Variants in SRGAP3 observed in about 807,000 individuals in gnomAD.
The protein encoded by SRGAP3 is SLIT-ROBO Rho GTPase activating protein 3.
A neutral mutation model predicts 121.1 loss-of-function variants in SRGAP3; 39 were observed. That is an observed-to-expected ratio of 0.32 (90% confidence interval 0.25 to 0.42). The LOEUF (loss-of-function observed/expected upper bound fraction) is 0.42. Among genes scored for constraint, SRGAP3 ranks in the 10% least tolerant of loss-of-function variants. SRGAP3 has a pLI of 1.00. For missense variants in SRGAP3, 1,213 were observed against 1,470.6 expected (o/e 0.82, Z 2.86); for synonymous variants, 601 against 570.0 (o/e 1.05, Z -0.77).
chr3:9,074,390 G>A (rs1946860975), intron 4 of SRGAP3, among the ~76,000 whole-genome samples: 1 of 152,190 alleles, frequency 6.6e-6, no homozygotes, highest in Non-Finnish European at 1.5e-5. Context: ...GAGGGACTGG[G>A]CTCAGGGAGT....
intron 3 of SRGAP3, among the ~76,000 whole-genome samples, chr3:9,311,284 C>G (rs1185360276): frequency 6.6e-6 from 1 of 152,012 alleles, no homozygotes; most frequent in East Asian, 1.9e-4. Flanking sequence ...CGCGAAGAGG[C>G]AAGAATATGC....
rs186036411 is a variant in SRGAP3, at chr3:9,136,029, G to A, written c.68-11112C>T. Among the ~76,000 whole-genome samples the A allele has an allele frequency of 1.2e-4, 19 of 152,356 alleles. No homozygotes were observed. In the East Asian group the frequency reaches 2.9e-3, roughly 23 times the overall value. On this transcript the variant is annotated intron_variant, in intron 1 of 21. Coordinates refer to ENST00000383836, the MANE Select transcript of SRGAP3 (RefSeq NM_014850.4). ...GGACCGTGAGCACCAGGCACGCTGG[G>A]CACCGAGCTAAGTGTTTCCCAGGCG...
At chr3:9,173,575 G>C (rs961759630) in intron 1 of SRGAP3, among the ~76,000 whole-genome samples, 9 of 152,178 alleles carry the variant, frequency 5.9e-5, no homozygotes, top group Non-Finnish European at 1.2e-4. Context: ...CTGATAGGAT[G>C]CTTGCTGGAG....
At position 9,264,003 on chromosome 3, in the gene SRGAP3, G is replaced by A. The variant is rs1213280103; in HGVS notation, n.442+62007C>T. Among the ~76,000 whole-genome samples the A allele has an allele frequency of 5.3e-5, 8 of 152,068 alleles. No individual in the cohort carries two copies. In the East Asian group the frequency reaches 1.4e-3, roughly 26 times the overall value. ...ATTGGCAAACCGAATCCAGCAGCAC[G>A]TTCTAAAGCTTATCCACCACAATCA... On this transcript the variant is annotated intron_variant and non_coding_transcript_variant, in intron 3 of 3. Coordinates refer to the SRGAP3 transcript ENST00000490889.
At chr3:9,183,350 T>C (rs560240750) in intron 1 of SRGAP3, among the ~76,000 whole-genome samples, 1 of 152,328 alleles carries the variant, frequency 6.6e-6, no homozygotes, top group East Asian at 1.9e-4. Flanking sequence ...TATAAATGTA[T>C]ACAATATCTA....
intron 18 of SRGAP3, among the ~76,000 whole-genome samples, chr3:8,998,267 T>C (rs1942534901): frequency 6.6e-6 from 1 of 152,244 alleles, no homozygotes; most frequent in Admixed American, 6.5e-5. Context: ...TGCTTCTCCC[T>C]GGGATGCCTT....
intron 14 of SRGAP3, among the ~76,000 whole-genome samples, chr3:9,020,700 C>T (rs1165488681): frequency 6.6e-6 from 1 of 152,186 alleles, no homozygotes; most frequent in African/African-American, 2.4e-5. Context: ...TCAATTAGCC[C>T]AGGCCTTTGG....
intron 3 of SRGAP3, among the ~76,000 whole-genome samples, chr3:9,097,521 C>A (rs1426276579): frequency 6.6e-6 from 1 of 152,162 alleles, no homozygotes; most frequent in Admixed American, 6.5e-5. Flanking sequence ...ACTAGACTAC[C>A]CACCTCTTCG....
chr3:9,207,827 G>A (rs1489149661), intron 1 of SRGAP3, among the ~76,000 whole-genome samples: 1 of 152,156 alleles, frequency 6.6e-6, no homozygotes, highest in African/African-American at 2.4e-5. Flanking sequence ...GTAACTTCCC[G>A]GACCTGGGGA....
chr3:9,325,462 T>C (rs2600170), intron 3 of SRGAP3, among the ~76,000 whole-genome samples: 123,461 of 151,732 alleles, frequency 0.81, 51,114 homozygotes, highest in African/African-American at 0.95. Context: ...TTCTGTTTAG[T>C]CAATTCTATT....
intron 3 of SRGAP3, among the ~76,000 whole-genome samples, chr3:9,295,854 TGACTAATC>T (rs1954945414): frequency 6.6e-6 from 1 of 152,200 alleles, no homozygotes; most frequent in Non-Finnish European, 1.5e-5. Context: ...TCTATGTATT[TGACTAATC>T]TAGACACTTC....
At chr3:9,103,849 TC>T (rs1948311727) in intron 3 of SRGAP3, among the ~76,000 whole-genome samples, 1 of 152,180 alleles carries the variant, frequency 6.6e-6, no homozygotes, top group Non-Finnish European at 1.5e-5. Flanking sequence ...ACCTCAGTGC[TC>T]CTTCCACACT....
At chr3:8,991,919 G>A (rs961453848) in intron 20 of SRGAP3, among the ~76,000 whole-genome samples, 8 of 152,116 alleles carry the variant, frequency 5.3e-5, no homozygotes, top group African/African-American at 1.7e-4. Flanking sequence ...AGGTGAGGGC[G>A]GGGGACAAGG....
chr3:9,262,393 C>T (rs1426636025), intron 3 of SRGAP3, among the ~76,000 whole-genome samples: 2 of 151,728 alleles, frequency 1.3e-5, no homozygotes, highest in African/African-American at 4.8e-5. Context: ...TTAAATGCCC[C>T]AATTAAAAGA....
chr3:9,019,355 C>A (rs973184879), intron 14 of SRGAP3, among the ~76,000 whole-genome samples: 3 of 152,220 alleles, frequency 2.0e-5, no homozygotes, highest in Admixed American at 6.5e-5. Flanking sequence ...TTTCCACAGC[C>A]CTGCCCCTGG....
chr3:9,282,529 C>T (rs1312552161), intron 3 of SRGAP3, among the ~76,000 whole-genome samples: 4 of 152,024 alleles, frequency 2.6e-5, no homozygotes, highest in East Asian at 1.9e-4. Flanking sequence ...CTTACTCTGT[C>T]GCCCAGGCTG....
chr3:9,240,440 A>T (rs1416313619), intron 1 of SRGAP3, among the ~76,000 whole-genome samples: 1 of 151,732 alleles, frequency 6.6e-6, no homozygotes, highest in Admixed American at 6.6e-5. Context: ...GGCAGCCCAA[A>T]CTCACCCCCT....
At chr3:9,015,827 A>AGGT in intron 14 of SRGAP3, 96 bp from the exon 15 acceptor site, 1 of 1,504,292 alleles carries the variant, frequency 6.6e-7, no homozygotes, top group Non-Finnish European at 9.2e-7. Flanking sequence ...AGCCTGAACC[A>AGGT]CAGGAAAGGC....
At chr3:9,072,212 T>C (rs1194953699) in intron 4 of SRGAP3, among the ~76,000 whole-genome samples, 1 of 152,130 alleles carries the variant, frequency 6.6e-6, no homozygotes, top group Non-Finnish European at 1.5e-5. Context: ...CCCACCGCGC[T>C]AAGTGCTGCT....
Sources: gnomAD v4.1 joint callset for allele counts (sites outside exome capture counted in the v4.1 genomes callset) on GRCh38, gnomAD v4.1.1 for gene constraint, MANE v1.5 for transcripts, NCBI Gene and HGNC (gene_info 2026-07-23, HGNC 2026-07-21) for gene names.